Variants in ABCC4 observed in about 807,000 individuals in gnomAD.
The protein encoded by ABCC4 is ATP-binding cassette sub-family C member 4.
ABCC4 carries 102 observed loss-of-function variants against 168.5 expected under a neutral mutation model. That is an observed-to-expected ratio of 0.61 (90% CI 0.52 to 0.71). The LOEUF (loss-of-function observed/expected upper bound fraction) is 0.71. Ranked by LOEUF, ABCC4 falls within the 30% of genes least tolerant of loss-of-function variation. The pLI is 0.00. For synonymous variants in ABCC4, 617 were observed against 590.7 expected, an observed-to-expected ratio of 1.04 and a Z score of -0.65; for missense variants, 1,402 against 1,605.8, an observed-to-expected ratio of 0.87 and a Z score of 2.17.
At position 95,277,974 on chromosome 13, in the gene ABCC4, T is replaced by C. The variant is rs1434938399; in HGVS notation, c.74+23267A>G. Among the ~76,000 whole-genome samples, 5 of 152,168 alleles carry C rather than the reference T, an allele frequency of 3.3e-5. No homozygotes were observed. In the East Asian group the frequency reaches 9.7e-4, roughly 29 times the overall value. ...TGACTTATGAAGAAACTAGCTCAGATTGGAACAACAGCCAGGACAGTCACC... is the reference window on the plus strand; with the variant it reads ...TGACTTATGAAGAAACTAGCTCAGACTGGAACAACAGCCAGGACAGTCACC... On this transcript the variant is annotated intron_variant, in intron 1 of 30. Transcript: ENST00000645237.
chr13:95,252,872 C>G (rs1282632935), intron 1 of ABCC4, among the ~76,000 whole-genome samples: 1 of 152,194 alleles, frequency 6.6e-6, no homozygotes, highest in African/African-American at 2.4e-5. Context: ...AACTAGATGA[C>G]CTTTATGTTT....
intron 14 of ABCC4, among the ~76,000 whole-genome samples, chr13:95,168,887 A>G (rs1312527464): frequency 2.0e-5 from 3 of 152,164 alleles, no homozygotes; most frequent in African/African-American, 7.2e-5. Context: ...GTTACCTGTG[A>G]ATGTGGCCTT....
At position 95,186,904 on chromosome 13, in the gene ABCC4, T is replaced by G; in HGVS notation, c.1354-12A>C. 2 of 1,596,244 alleles carry G rather than the reference T, an allele frequency of 1.3e-6. No homozygotes were observed. Among genetic ancestry groups the G allele is most frequent in the Non-Finnish European group, 1.7e-6 (2 of 1,170,680 alleles). Reference sequence around the variant, plus strand: ...CTTAACAGTGATGACTGAAACAGATTGTAAAAAAGCACATGTTCAGTCAAC... The same window carrying G: ...CTTAACAGTGATGACTGAAACAGATGGTAAAAAAGCACATGTTCAGTCAAC... On this transcript the variant is annotated splice_polypyrimidine_tract_variant and intron_variant, in intron 10 of 30. Transcript: ENST00000645237.
At chr13:95,090,821 T>G (rs1434192131) in intron 20 of ABCC4, among the ~76,000 whole-genome samples, 1 of 152,192 alleles carries the variant, frequency 6.6e-6, no homozygotes, top group African/African-American at 2.4e-5. Flanking sequence ...AGGTTAGTTA[T>G]TAAGCTAATC....
intron 19 of ABCC4, among the ~76,000 whole-genome samples, chr13:95,120,467 T>G (rs1278350714): frequency 6.7e-6 from 1 of 148,988 alleles, no homozygotes; most frequent in East Asian, 2.0e-4. Flanking sequence ...CATGGGAAGC[T>G]GAGGCAGAGA....
chr13:95,232,630 T>C (rs1156521742), intron 4 of ABCC4, among the ~76,000 whole-genome samples: 1 of 151,242 alleles, frequency 6.6e-6, no homozygotes, highest in East Asian at 1.9e-4. Context: ...TGAGCAGAGG[T>C]TGCACCACTA....
intron 29 of ABCC4, among the ~76,000 whole-genome samples, chr13:95,039,234 C>G (rs1046162312): frequency 1.3e-5 from 2 of 152,080 alleles, no homozygotes; most frequent in Non-Finnish European, 2.9e-5. Context: ...TCCGAAAATC[C>G]AAAATCTGAA....
chr13:95,083,569 C>G (rs1271168961), intron 20 of ABCC4, among the ~76,000 whole-genome samples: 2 of 150,510 alleles, frequency 1.3e-5, no homozygotes, highest in African/African-American at 4.9e-5. Flanking sequence ...CTCTGTCACC[C>G]AGGCTGGAGT....
rs2038742002 is a variant in ABCC4, at chr13:95,205,043, T to C, written c.1161+1489A>G. Among the ~76,000 whole-genome samples the C allele has an allele frequency of 2.0e-5, 3 of 152,218 alleles. No homozygotes were observed. The South Asian group carries it at 6.2e-4, about 32-fold the overall frequency. ...TCAAAGTATACTCCTAAGTTCTTTC[T>C]TTCAAGATGCAAAAGCTACATGAAA... On this transcript the variant is annotated intron_variant, in intron 8 of 30. Transcript: ENST00000645237.
chr13:95,076,882 C>T (rs2139319198), intron 21 of ABCC4, among the ~76,000 whole-genome samples: 1 of 152,246 alleles, frequency 6.6e-6, no homozygotes, highest in Admixed American at 6.5e-5. Flanking sequence ...ACCTCAGGCT[C>T]CCAAGTAGCT....
At chr13:95,075,260 G>A in intron 22 of ABCC4, 172 bp downstream of exon 22, 2 of 799,086 alleles carry the variant, frequency 2.5e-6, no homozygotes, top group Non-Finnish European at 4.0e-6. Flanking sequence ...GATTCCGAGA[G>A]GAGTCCAAGC....
chr13:95,214,989 G>A (rs1323662846), intron 4 of ABCC4, among the ~76,000 whole-genome samples: 1 of 151,866 alleles, frequency 6.6e-6, no homozygotes, highest in East Asian at 1.9e-4. Context: ...GAAAAAGGCT[G>A]AGAGACTTTA....
intron 1 of ABCC4, among the ~76,000 whole-genome samples, chr13:95,254,733 T>C (rs1158939218): frequency 6.6e-6 from 1 of 152,206 alleles, no homozygotes; most frequent in Admixed American, 6.5e-5. Flanking sequence ...CCTATAAGGC[T>C]CACCCTCTGC....
chr13:95,037,681 T>C (rs968672770), intron 29 of ABCC4, among the ~76,000 whole-genome samples: 1 of 152,164 alleles, frequency 6.6e-6, no homozygotes, highest in African/African-American at 2.4e-5. Flanking sequence ...ATGAGAACTG[T>C]AAACAGCTAA....
intron 20 of ABCC4, among the ~76,000 whole-genome samples, chr13:95,112,799 T>C (rs2139403974): frequency 6.6e-6 from 1 of 152,262 alleles, no homozygotes; most frequent in African/African-American, 2.4e-5. Flanking sequence ...TATTACCTAT[T>C]GAACCTAACG....
chr13:95,270,727 A>G (rs1429868756), intron 1 of ABCC4, among the ~76,000 whole-genome samples: 1 of 152,232 alleles, frequency 6.6e-6, no homozygotes, highest in Non-Finnish European at 1.5e-5. Flanking sequence ...TACTGTCTGC[A>G]AACCACACTG....
chr13:95,210,002 C>T (rs1393160944), intron 5 of ABCC4, among the ~76,000 whole-genome samples: 1 of 152,228 alleles, frequency 6.6e-6, no homozygotes, highest in Non-Finnish European at 1.5e-5. Context: ...GTCTCCCAGA[C>T]AGGCAGTGAG....
intron 20 of ABCC4, among the ~76,000 whole-genome samples, chr13:95,098,481 C>T (rs1264837253): frequency 6.6e-6 from 1 of 151,914 alleles, no homozygotes; most frequent in African/African-American, 2.4e-5. Flanking sequence ...TTATCAGTGT[C>T]GGGAATAAAA....
intron 1 of ABCC4, among the ~76,000 whole-genome samples, chr13:95,279,174 C>A (rs1203556411): frequency 6.6e-6 from 1 of 152,204 alleles, no homozygotes; most frequent in Non-Finnish European, 1.5e-5. Context: ...GCATGCTATG[C>A]TGTTGGAGGC....
Sources: allele counts gnomAD v4.1 joint callset (sites outside exome capture counted in the v4.1 genomes callset), GRCh38; gene constraint gnomAD v4.1.1; transcripts MANE v1.5; gene names NCBI Gene and HGNC (gene_info 2026-07-23, HGNC 2026-07-21).